C1orf185: variants seen among roughly 807,000 people sequenced by gnomAD.
C1orf185 encodes chromosome 1 open reading frame 185.
A neutral mutation model predicts 16.1 loss-of-function variants in C1orf185; 13 were observed. The ratio of observed to expected loss-of-function variants is 0.81; its 90% CI spans 0.53 to 1.28. C1orf185 has a LOEUF of 1.28. Among genes scored for constraint, C1orf185 ranks in the 50% most tolerant of loss-of-function variants. The probability of loss-of-function intolerance (pLI) is 0.00; values close to 1 mark genes in which losing one functional copy is unlikely to be tolerated. For synonymous variants in C1orf185, 80 were observed against 76.9 expected (o/e 1.04, Z -0.21); for missense variants, 220 against 225.2 (o/e 0.98, Z 0.15).
downstream of C1orf185, among the ~76,000 whole-genome samples, chr1:51,151,609 G>T (rs1021248003): frequency 6.6e-6 from 1 of 152,158 alleles, no homozygotes; most frequent in Non-Finnish European, 1.5e-5. Flanking sequence ...GACTGCCTTT[G>T]GGTGTACAAC....
intron 3 of C1orf185, among the ~76,000 whole-genome samples, chr1:51,139,589 A>G (rs1007109663): frequency 6.6e-6 from 1 of 152,238 alleles, no homozygotes; most frequent in Non-Finnish European, 1.5e-5. Flanking sequence ...CTGCCTTTGT[A>G]GGAAAATATT....
At chr1:51,103,410 A>AACACACAC (rs367808687) in intron 1 of C1orf185, among the ~76,000 whole-genome samples, 28,166 of 128,560 alleles carry the variant, frequency 0.22, 3,177 homozygotes, top group Non-Finnish European at 0.26. Flanking sequence ...TGTCTCGAAA[A>AACACACAC]ACACACACAC....
intron 1 of C1orf185, among the ~76,000 whole-genome samples, chr1:51,103,922 A>G (rs1646051694): frequency 6.6e-6 from 1 of 152,172 alleles, no homozygotes; most frequent in African/African-American, 2.4e-5. Context: ...TTCAAGTGAG[A>G]ACATTAAGAT....
intron 3 of C1orf185, among the ~76,000 whole-genome samples, chr1:51,143,314 C>T (rs1646378940): frequency 6.6e-6 from 1 of 152,152 alleles, no homozygotes; most frequent in Non-Finnish European, 1.5e-5. Context: ...CCAACTCTGC[C>T]ATTCCCATCC....
At chr1:51,105,509 T>C in intron 1 of C1orf185, among the ~76,000 whole-genome samples, 1 of 152,206 alleles carries the variant, frequency 6.6e-6, no homozygotes, top group East Asian at 1.9e-4. Flanking sequence ...GAACCTTATA[T>C]TATCCATGTT....
At chr1:51,133,465 T>G (rs1646300351) in intron 3 of C1orf185, among the ~76,000 whole-genome samples, 1 of 152,150 alleles carries the variant, frequency 6.6e-6, no homozygotes, top group African/African-American at 2.4e-5. Context: ...AAGAAAGGCA[T>G]TACATAATAG....
intron 3 of C1orf185, among the ~76,000 whole-genome samples, chr1:51,120,242 C>T (rs1014496390): frequency 6.6e-6 from 1 of 152,156 alleles, no homozygotes; most frequent in Non-Finnish European, 1.5e-5. Context: ...TTGAAGTTTA[C>T]CCCTTAGGCC....
intron 3 of C1orf185, among the ~76,000 whole-genome samples, chr1:51,137,239 C>G (rs1646332037): frequency 6.6e-6 from 1 of 151,890 alleles, no homozygotes; most frequent in Non-Finnish European, 1.5e-5. Context: ...ATGGCTGTTA[C>G]TAAAAAATCA....
chr1:51,145,086 A>G (rs1557654199), intron 3 of C1orf185, among the ~76,000 whole-genome samples: 1 of 152,148 alleles, frequency 6.6e-6, no homozygotes, highest in Non-Finnish European at 1.5e-5. Flanking sequence ...CTACTACAAC[A>G]CTATACTTCC....
intron 1 of C1orf185, 68 bp from the exon 2 acceptor site, chr1:51,112,396 A>T: frequency 7.9e-7 from 1 of 1,266,492 alleles, no homozygotes; most frequent in Non-Finnish European, 1.1e-6. Context: ...TTTGAAGTTT[A>T]TCATTCAGTT....
Position 51,131,676 on chromosome 1 carries a change from C to T in C1orf185, c.258+12875C>T, listed in dbSNP as rs1646286485. 1.3e-5 allele frequency among the ~76,000 whole-genome samples: 2 copies of T among 152,072 alleles called. 1 individual carries two copies. The highest frequency in any genetic ancestry group is 4.1e-4 in the South Asian group (2 of 4,820). On this transcript the variant is annotated intron_variant, in intron 3 of 4. Coordinates refer to ENST00000371759, the MANE Select transcript of C1orf185 (RefSeq NM_001136508.2). ...ATTTAAAAAGATAGTTAAGCTTATC[C>T]ATATTGCTTGTGTCATTAGAGTAAG...
At chr1:51,117,750 G>A (rs1281793474) in intron 2 of C1orf185, among the ~76,000 whole-genome samples, 1 of 151,966 alleles carries the variant, frequency 6.6e-6, no homozygotes, top group Non-Finnish European at 1.5e-5. Flanking sequence ...CTTAAGTTGA[G>A]AATGACTGTT....
chr1:51,138,959 A>AT (rs1646345804), intron 3 of C1orf185, among the ~76,000 whole-genome samples: 1 of 152,060 alleles, frequency 6.6e-6, no homozygotes, highest in African/African-American at 2.4e-5. Context: ...AAATGCTGGG[A>AT]TTACAGGCAT....
chr1:51,124,406 T>C (rs1255485459), intron 3 of C1orf185, among the ~76,000 whole-genome samples: 1 of 152,178 alleles, frequency 6.6e-6, no homozygotes, highest in Non-Finnish European at 1.5e-5. Flanking sequence ...TTAAGGTGTG[T>C]TTTTGTTGCA....
In C1orf185 at chr1:51,147,582, A is replaced by G. The variant is rs531194862; in HGVS notation, c.411A>G (p.Thr137=). The change falls in exon 5 of 5, where the codon ACA becomes ACG. Residue 137 remains threonine (T), a synonymous_variant. Coordinates refer to ENST00000371759, the MANE Select transcript of C1orf185 (RefSeq NM_001136508.2). ...NRSSVTLSLS[T]LPSDSYYSQS... is the part of the protein sequence containing the mutation. The stretch of plus-strand genomic sequence containing the variant: ...GCAGTGTTACATTAAGCTTATCAAC[A>G]TTACCATCTGATTCTTATTACAGCC... 1 of 1,551,604 alleles carries G rather than the reference A, an allele frequency of 6.4e-7. No individual in the cohort carries two copies. Among genetic ancestry groups the G allele is most frequent in the African/African-American group, 1.4e-5 (1 of 73,160 alleles).
chr1:51,147,719 C>T lies in C1orf185; in HGVS notation c.548C>T (p.Ser183Leu). The T allele has an allele frequency of 1.3e-5, 20 of 1,550,718 alleles. No individual in the cohort carries two copies. The highest frequency in any genetic ancestry group is 1.7e-5 in the Non-Finnish European group (20 of 1,146,576). ...PLMEKVFSYL[S>L]TISLEEGTES... Reference sequence around the variant, plus strand: ...ATGGAAAAAGTATTTTCATACCTGTCAACCATTTCATTAGAAGAGGGTACT... The same window carrying T: ...ATGGAAAAAGTATTTTCATACCTGTTAACCATTTCATTAGAAGAGGGTACT... The change falls in exon 5 of 5, where the codon TCA becomes TTA. Residue 183 changes from serine (S) to leucine (L), a missense_variant. By Grantham distance (145) the Ser-to-Leu change is moderately radical. Coordinates refer to ENST00000371759, the MANE Select transcript of C1orf185 (RefSeq NM_001136508.2).
intron 1 of C1orf185, among the ~76,000 whole-genome samples, chr1:51,106,965 G>T (rs1174157106): frequency 3.9e-5 from 6 of 152,062 alleles, no homozygotes; most frequent in Non-Finnish European, 5.9e-5. Flanking sequence ...TACCGTGTTG[G>T]CCAGGATGGT....
chr1:51,110,038 A>G (rs1237876309), intron 1 of C1orf185, among the ~76,000 whole-genome samples: 3 of 152,210 alleles, frequency 2.0e-5, no homozygotes, highest in African/African-American at 7.2e-5. Flanking sequence ...ATCTAAAGAT[A>G]TTCACTGCCT....
At position 51,142,334 on chromosome 1, in the gene C1orf185, A is replaced by AC. The variant is rs369741662; in HGVS notation, c.259-3390_259-3389insC. 3.6e-3 allele frequency among the ~76,000 whole-genome samples: 544 copies of AC among 152,302 alleles called. 1 individual carries two copies. The highest frequency in any genetic ancestry group is 4.4e-3 in the Non-Finnish European group (300 of 68,038). ...TCTTTCATGACATTGGCATTTTTGA[A>AC]AGTCCACGACAGTTATTTTATACAT... On this transcript the variant is annotated intron_variant, in intron 3 of 4. Transcript: ENST00000371759.
Sources: allele counts gnomAD v4.1 joint callset (sites outside exome capture counted in the v4.1 genomes callset), GRCh38; gene constraint gnomAD v4.1.1; transcripts MANE v1.5; gene names NCBI Gene and HGNC (gene_info 2026-07-23, HGNC 2026-07-21).